The following SNX16 variants were observed in gnomAD, a reference collection of about 807,000 sequenced individuals.
The protein encoded by SNX16 is sorting nexin 16, also known as sorting nexin-16.
SNX16 carries 35 observed loss-of-function variants against 36.7 expected under a neutral mutation model. That is an observed-to-expected ratio of 0.95 (90% CI 0.73 to 1.27). SNX16 has a LOEUF of 1.27. Among genes scored for constraint, SNX16 ranks in the 50% most tolerant of loss-of-function variants. The pLI is 0.00. For missense variants in SNX16, 367 were observed against 393.6 expected (o/e 0.93, Z 0.57); for synonymous variants, 134 against 132.0 (o/e 1.02, Z -0.10).
chr8:81,812,859 C>A (rs1810323765), intron 5 of SNX16, among the ~76,000 whole-genome samples: 1 of 151,684 alleles, frequency 6.6e-6, no homozygotes, highest in Non-Finnish European at 1.5e-5. Context: ...AAATAGATAA[C>A]AATAGCAACA....
chr8:81,806,304 C>T (rs1442541171), intron 5 of SNX16, among the ~76,000 whole-genome samples: 1 of 151,988 alleles, frequency 6.6e-6, no homozygotes, highest in East Asian at 1.9e-4. Context: ...CAATTCAAAT[C>T]CAGTAATTAA....
intron 5 of SNX16, among the ~76,000 whole-genome samples, chr8:81,809,189 T>C (rs1366064971): frequency 1.3e-5 from 2 of 152,170 alleles, no homozygotes; most frequent in Non-Finnish European, 2.9e-5. Flanking sequence ...ACAACCTGCT[T>C]GGGTGGGGAA....
chr8:81,828,704 T>C (rs1232650673), intron 3 of SNX16, among the ~76,000 whole-genome samples: 1 of 152,226 alleles, frequency 6.6e-6, no homozygotes, highest in African/African-American at 2.4e-5. Flanking sequence ...TCTTACCACC[T>C]GATCCCTTTA....
rs746957217 is a variant in SNX16, at chr8:81,839,778, C to G, written c.209G>C (p.Ser70Thr). ...TGTAAATTTAGTCCTAATGAGGGGA[C>G]TGCTACAGACAGATGAAGTATTATC... ...QMDNTSSVCS[S>T]PLIRTKFTGT... The change falls in exon 2 of 8, where the codon AGT becomes ACT. Residue 70 changes from serine to threonine, a missense_variant. By Grantham distance (58) the Ser-to-Thr change is moderately conservative (BLOSUM62 1). Coordinates refer to ENST00000345957, the MANE Select transcript of SNX16 (RefSeq NM_152836.3). The G allele has an allele frequency of 6.2e-7, 1 of 1,613,706 alleles. No individual in the cohort carries two copies. The highest frequency in any genetic ancestry group is 8.5e-7 in the Non-Finnish European group (1 of 1,179,642).
Position 81,839,934 on chromosome 8 carries a change from C to T in SNX16, c.53G>A (p.Ser18Asn). The stretch of plus-strand genomic sequence containing the variant: ...TCTTTGATTTCTGTTTGTTGTAAAA[C>T]TGGAAGCAGAGTTTCCTATGGGCAT... ...VPMPIGNSASSFTTNRNQRSS... is the reference protein window; with the variant it reads ...VPMPIGNSASNFTTNRNQRSS... The change falls in exon 2 of 8, where the codon AGT (serine) becomes AAT (asparagine). Residue 18 changes from serine (S) to asparagine (N), a missense_variant. Ser to Asn is a conservative substitution (Grantham distance 46). Transcript: ENST00000345957. 4 of 1,613,880 alleles carry T rather than the reference C, an allele frequency of 2.5e-6. No individual in the cohort carries two copies. The highest frequency in any genetic ancestry group is 1.7e-6 in the Non-Finnish European group (2 of 1,179,888).
At chr8:81,810,812 GCA>G (rs1204584743) in intron 5 of SNX16, among the ~76,000 whole-genome samples, 1 of 152,088 alleles carries the variant, frequency 6.6e-6, no homozygotes, top group Admixed American at 6.5e-5. Flanking sequence ...TATTTTCAAT[GCA>G]CACGTCAGGC....
At chr8:81,803,067 T>G (rs768958738) in intron 6 of SNX16, 25 bp downstream of exon 6, 1 of 1,581,364 alleles carries the variant, frequency 6.3e-7, no homozygotes, top group Admixed American at 1.9e-5. Context: ...TTAGTCAGAG[T>G]AGAAATGCAA....
chr8:81,825,937 A>C (rs1810996668), intron 3 of SNX16, among the ~76,000 whole-genome samples: 1 of 152,130 alleles, frequency 6.6e-6, no homozygotes, highest in South Asian at 2.1e-4. Flanking sequence ...AACAAAAGAC[A>C]TGAGGGAAAT....
intron 2 of SNX16, among the ~76,000 whole-genome samples, chr8:81,836,966 T>A (rs930564069): frequency 4.6e-5 from 7 of 152,210 alleles, no homozygotes; most frequent in Non-Finnish European, 8.8e-5. Context: ...CTTACTCTGC[T>A]GTCAGCCACA....
intron 5 of SNX16, among the ~76,000 whole-genome samples, chr8:81,811,777 G>T (rs1810265078): frequency 6.6e-6 from 1 of 151,980 alleles, no homozygotes; most frequent in Non-Finnish European, 1.5e-5. Context: ...AACACTCAAA[G>T]AAACAAGGTC....
At chr8:81,831,739 C>G (rs1270775947) in intron 2 of SNX16, among the ~76,000 whole-genome samples, 1 of 148,696 alleles carries the variant, frequency 6.7e-6, no homozygotes, top group Non-Finnish European at 1.5e-5. Flanking sequence ...AACAAATAAC[C>G]TCATTAAAAG....
intron 5 of SNX16, among the ~76,000 whole-genome samples, chr8:81,811,013 G>T (rs942350738): frequency 1.3e-5 from 2 of 151,986 alleles, no homozygotes; most frequent in African/African-American, 4.8e-5. Context: ...TTGTAAAAGG[G>T]CTAATTTAAA....
rs375921503 is a variant in SNX16 at position 81,813,181 on chromosome 8, G to A, written c.681+2144C>T. On this transcript the variant is annotated intron_variant, in intron 5 of 7. Transcript: ENST00000345957. Reference sequence around the variant, plus strand: ...GTTGAAAGATACAAACAGATTGAAAGTAAAAGGATGGGAAAAGATATGCTA... The same window carrying A: ...GTTGAAAGATACAAACAGATTGAAAATAAAAGGATGGGAAAAGATATGCTA... 8.5e-5 allele frequency among the ~76,000 whole-genome samples: 13 copies of A among 152,074 alleles called. No individual in the cohort carries two copies. In the East Asian group the frequency reaches 1.4e-3, roughly 16 times the overall value.
At chr8:81,810,005 A>C (rs1810159420) in intron 5 of SNX16, among the ~76,000 whole-genome samples, 1 of 152,204 alleles carries the variant, frequency 6.6e-6, no homozygotes, top group South Asian at 2.1e-4. Context: ...GGACAGGAAA[A>C]TCTGCTAGCA....
intron 4 of SNX16, among the ~76,000 whole-genome samples, chr8:81,816,893 C>G (rs1232327148): frequency 1.3e-5 from 2 of 152,162 alleles, no homozygotes; most frequent in African/African-American, 4.8e-5. Context: ...CTGGACACTT[C>G]TCTCTGAAAA....
chr8:81,814,985 T>G (rs1430063798), intron 5 of SNX16: 2 of 156,742 alleles, frequency 1.3e-5, no homozygotes, highest in Non-Finnish European at 2.8e-5. Context: ...ATTCCTTATT[T>G]TGACACTCAA....
intron 5 of SNX16, among the ~76,000 whole-genome samples, chr8:81,813,393 G>T (rs917484695): frequency 2.6e-5 from 4 of 151,412 alleles, no homozygotes; most frequent in Non-Finnish European, 4.4e-5. Flanking sequence ...ATTAAGATAG[G>T]TATAGGAACT....
intron 5 of SNX16, among the ~76,000 whole-genome samples, chr8:81,812,855 A>G (rs1203177811): frequency 1.3e-5 from 2 of 152,112 alleles, no homozygotes; most frequent in African/African-American, 4.8e-5. Context: ...TGTAAAATAG[A>G]TAACAATAGC....
chr8:81,816,848 CTG>C (rs1483025134), intron 4 of SNX16, among the ~76,000 whole-genome samples: 1 of 151,960 alleles, frequency 6.6e-6, no homozygotes, highest in African/African-American at 2.4e-5. Flanking sequence ...TTAAATTCTT[CTG>C]TCTTATGCTT....
Sources: allele counts gnomAD v4.1 joint callset (sites outside exome capture counted in the v4.1 genomes callset), GRCh38; gene constraint gnomAD v4.1.1; transcripts MANE v1.5; gene names NCBI Gene and HGNC (gene_info 2026-07-23, HGNC 2026-07-21).